CMTM8: variants seen among roughly 807,000 people sequenced by gnomAD.
CMTM8 encodes the protein CKLF-like MARVEL transmembrane domain-containing protein 8.
CMTM8 carries 12 observed loss-of-function variants against 18.6 expected under a neutral mutation model. That is an observed-to-expected ratio of 0.65 (90% CI 0.41 to 1.05). CMTM8 has a LOEUF of 1.05. Among genes scored for constraint, CMTM8 ranks in the 50% least tolerant of loss-of-function variants. CMTM8 has a pLI of 0.00. For synonymous variants in CMTM8, 87 were observed against 90.6 expected (o/e 0.96, Z 0.23); for missense variants, 217 against 227.2 (o/e 0.95, Z 0.29).
At chr3:32,296,061 C>T (rs1702873256) in intron 1 of CMTM8, among the ~76,000 whole-genome samples, 1 of 152,180 alleles carries the variant, frequency 6.6e-6, no homozygotes, top group Non-Finnish European at 1.5e-5. Flanking sequence ...GATTTTCCCA[C>T]CTCTCAGTCT....
intron 1 of CMTM8, among the ~76,000 whole-genome samples, chr3:32,354,052 G>A (rs1696764513): frequency 6.6e-6 from 1 of 151,840 alleles, no homozygotes; most frequent in Admixed American, 6.6e-5. Context: ...CAAAGTGCTG[G>A]GATTTACAGG....
intron 1 of CMTM8, among the ~76,000 whole-genome samples, chr3:32,241,955 A>G (rs1055534929): frequency 2.6e-5 from 4 of 152,246 alleles, no homozygotes; most frequent in African/African-American, 9.6e-5. Flanking sequence ...GAGAGACATC[A>G]GGTATTCTGT....
chr3:32,321,252 C>T (rs1049225696), intron 1 of CMTM8, among the ~76,000 whole-genome samples: 3 of 152,092 alleles, frequency 2.0e-5, no homozygotes, highest in Non-Finnish European at 2.9e-5. Context: ...AGATGAGGCT[C>T]GGGTCACATG....
At chr3:32,259,075 T>C in intron 1 of CMTM8, 1 of 373,342 alleles carries the variant, frequency 2.7e-6, no homozygotes, top group Non-Finnish European at 5.2e-6. Flanking sequence ...AGGGGGTGGC[T>C]CTGGTTCCCG....
intron 1 of CMTM8, among the ~76,000 whole-genome samples, chr3:32,318,566 T>TC (rs1695975261): frequency 9.9e-6 from 1 of 101,442 alleles, no homozygotes; most frequent in African/African-American, 5.8e-5. Context: ...CATTATTAAT[T>TC]TTTTTTTTTT....
rs558304426 is a variant in CMTM8, at chr3:32,335,058, T to C, written c.148-22315T>C. Reference sequence around the variant, plus strand: ...GTGTCTACCTGAGTGCCTCGGTGCCTACTGTTGTTTCCTGAGTAATAGCAT... The same window carrying C: ...GTGTCTACCTGAGTGCCTCGGTGCCCACTGTTGTTTCCTGAGTAATAGCAT... On this transcript the variant is annotated intron_variant, in intron 1 of 3. Transcript: ENST00000307526. 3.3e-5 allele frequency among the ~76,000 whole-genome samples: 5 copies of C among 152,314 alleles called. No homozygotes were observed. The South Asian group carries it at 1.0e-3, about 32-fold the overall frequency.
chr3:32,314,543 C>T (rs1695883446), intron 1 of CMTM8, among the ~76,000 whole-genome samples: 1 of 151,646 alleles, frequency 6.6e-6, no homozygotes, highest in Non-Finnish European at 1.5e-5. Flanking sequence ...GCAGTGGCAC[C>T]ATCCCAGCTC....
rs148004069 is a variant in CMTM8, at chr3:32,293,077, G to GTGTGTGTATATATATA, written c.147+53959_147+53960insGTGTGTATATATATAT. Reference sequence around the variant, plus strand: ...ATATGATGTGTGTATATATGTGTGTGTATATATATATATATATATATTTAA... The same window carrying GTGTGTGTATATATATA: ...ATATGATGTGTGTATATATGTGTGTGTGTGTGTATATATATATATATATATATATATATATATTTAA... On this transcript the variant is annotated intron_variant, in intron 1 of 3. Transcript: ENST00000307526. Among the ~76,000 whole-genome samples, 215 of 145,762 alleles carry GTGTGTGTATATATATA rather than the reference G, an allele frequency of 1.5e-3. 2 individuals carry two copies. The highest frequency in any genetic ancestry group is 4.9e-3 in the East Asian group (24 of 4,878).
intron 1 of CMTM8, among the ~76,000 whole-genome samples, chr3:32,346,867 C>T (rs373750230): frequency 1.3e-4 from 19 of 148,780 alleles, no homozygotes; most frequent in African/African-American, 4.5e-4. Context: ...GTCATCCAAG[C>T]TAGAATGCAG....
chr3:32,354,411 T>G (rs1696772940), intron 1 of CMTM8, among the ~76,000 whole-genome samples: 1 of 152,206 alleles, frequency 6.6e-6, no homozygotes, highest in Non-Finnish European at 1.5e-5. Context: ...TGTTTGCTTG[T>G]GAGGTCATGG....
At chr3:32,296,638 C>T (rs1702883867) in intron 1 of CMTM8, among the ~76,000 whole-genome samples, 1 of 152,332 alleles carries the variant, frequency 6.6e-6, no homozygotes, top group Middle Eastern at 3.4e-3. Flanking sequence ...AAATGACCCA[C>T]TGGGGCTGCA....
Position 32,246,921 on chromosome 3 carries a change from A to G in CMTM8, c.147+7802A>G, listed in dbSNP as rs187736919. ...GTTCAAGAGCAGCCTGGCCAACATAACAAAACTCATCTCTACTAAAAATAC... is the reference window on the plus strand; with the variant it reads ...GTTCAAGAGCAGCCTGGCCAACATAGCAAAACTCATCTCTACTAAAAATAC... On this transcript the variant is annotated intron_variant, in intron 1 of 3. Transcript: ENST00000307526. Among the ~76,000 whole-genome samples, 388 of 152,128 alleles carry G rather than the reference A, an allele frequency of 2.6e-3. 2 individuals carry two copies. Among genetic ancestry groups the G allele is most frequent in the South Asian group, 7.7e-3 (37 of 4,816 alleles).
intron 1 of CMTM8, among the ~76,000 whole-genome samples, chr3:32,249,231 C>G (rs185035024): frequency 6.6e-5 from 10 of 151,590 alleles, no homozygotes; most frequent in African/African-American, 2.2e-4. Flanking sequence ...GAGTTCAAGA[C>G]TAGCCTAGGC....
intron 1 of CMTM8, among the ~76,000 whole-genome samples, chr3:32,245,140 G>A (rs766054244): frequency 2.0e-5 from 3 of 152,124 alleles, no homozygotes; most frequent in Non-Finnish European, 4.4e-5. Flanking sequence ...GAGTGTGTCT[G>A]TTTCAAACCT....
chr3:32,247,960 G>A (rs1702062352), intron 1 of CMTM8, among the ~76,000 whole-genome samples: 1 of 152,126 alleles, frequency 6.6e-6, no homozygotes, highest in African/African-American at 2.4e-5. Flanking sequence ...TCACATAAAT[G>A]GAATCCTATG....
At chr3:32,295,786 C>T (rs986514459) in intron 1 of CMTM8, among the ~76,000 whole-genome samples, 2 of 152,138 alleles carry the variant, frequency 1.3e-5, no homozygotes, top group Admixed American at 1.3e-4. Context: ...GACTCCTTTC[C>T]TGGACTGCAA....
intron 1 of CMTM8, among the ~76,000 whole-genome samples, chr3:32,262,950 G>A (rs1289768940): frequency 6.6e-6 from 1 of 152,172 alleles, no homozygotes; most frequent in Non-Finnish European, 1.5e-5. Context: ...GATCATACTT[G>A]TAACTAAAGA....
chr3:32,348,621 C>T (rs1309438615), intron 1 of CMTM8, among the ~76,000 whole-genome samples: 1 of 149,132 alleles, frequency 6.7e-6, no homozygotes, highest in Non-Finnish European at 1.5e-5. Context: ...ACCTCAGCCT[C>T]CCAAGTAGCT....
At chr3:32,239,801 A>T (rs1701922077) in intron 1 of CMTM8, among the ~76,000 whole-genome samples, 1 of 152,148 alleles carries the variant, frequency 6.6e-6, no homozygotes, top group South Asian at 2.1e-4. Flanking sequence ...AAAGGACTGG[A>T]GTCCTGTCAG....
Sources: allele counts gnomAD v4.1 joint callset (sites outside exome capture counted in the v4.1 genomes callset), GRCh38; gene constraint gnomAD v4.1.1; transcripts MANE v1.5; gene names NCBI Gene and HGNC (gene_info 2026-07-23, HGNC 2026-07-21).